Variants in AP5Z1 observed in about 807,000 individuals in gnomAD.
AP5Z1 encodes AP-5 complex subunit zeta-1.
Under a neutral mutation model 83.0 loss-of-function variants are expected in AP5Z1, and 106 were observed. The ratio of observed to expected loss-of-function variants is 1.28; its 90% CI spans 1.09 to 1.50. AP5Z1 has a LOEUF of 1.50. AP5Z1 is among the 40% of genes most tolerant of loss of function. The pLI is 0.00. For synonymous variants in AP5Z1, 751 were observed against 514.1 expected (o/e 1.46, Z -6.23); for missense variants, 1,565 against 1,094.2 (o/e 1.43, Z -6.07).
In AP5Z1 at chr7:4,786,435, T is replaced by G. The variant is rs764497844; in HGVS notation, c.1311+7T>G. ...CTTCCCCAACCTCTTTAAGGTATATTTGGGCATCCCTGGGTGCCAGGGCAG... is the reference window on the plus strand; with the variant it reads ...CTTCCCCAACCTCTTTAAGGTATATGTGGGCATCCCTGGGTGCCAGGGCAG... On this transcript the variant is annotated splice_region_variant and intron_variant, in intron 10 of 16. Coordinates refer to ENST00000649063, the MANE Select transcript of AP5Z1 (RefSeq NM_014855.3). 5.3e-5 allele frequency: 85 copies of G among 1,613,278 alleles called. No homozygotes were observed. Among genetic ancestry groups the G allele is most frequent in the Admixed American group, 1.2e-4 (7 of 60,014 alleles).
intron 13 of AP5Z1, among the ~76,000 whole-genome samples, chr7:4,789,551 C>T (rs914429458): frequency 1.3e-5 from 2 of 152,334 alleles, no homozygotes; most frequent in African/African-American, 4.8e-5. Flanking sequence ...CACCCTTGGC[C>T]AAACAAGACG....
chr7:4,786,196 A>G, intron 9 of AP5Z1, 54 bp from the exon 10 acceptor site: 1 of 1,512,472 alleles, frequency 6.6e-7, no homozygotes, highest in African/African-American at 1.4e-5. Flanking sequence ...CAGTCACAGA[A>G]GCACGGCCAG....
rs888875774 is a variant in AP5Z1, at chr7:4,783,301, C to G, written c.367-15C>G. The G allele has an allele frequency of 2.5e-6, 4 of 1,594,250 alleles. No individual in the cohort carries two copies. Among genetic ancestry groups the G allele is most frequent in the Non-Finnish European group, 3.4e-6 (4 of 1,169,780 alleles). On this transcript the variant is annotated splice_polypyrimidine_tract_variant and intron_variant, in intron 3 of 16. Coordinates refer to ENST00000649063, the MANE Select transcript of AP5Z1 (RefSeq NM_014855.3). Reference sequence around the variant, plus strand: ...ACAGGCCAGTACCCCAGCGTTTGCCCTGTTTGATTTGAAGGGTGACAGAAA... The same window carrying G: ...ACAGGCCAGTACCCCAGCGTTTGCCGTGTTTGATTTGAAGGGTGACAGAAA...
At chr7:4,787,501 G>T in intron 10 of AP5Z1, 133 bp from the exon 11 acceptor site, 4 of 1,304,062 alleles carry the variant, frequency 3.1e-6, no homozygotes, top group South Asian at 3.1e-5. Context: ...AATAAAAAGC[G>T]GGAGGAGGCA....
intron 3 of AP5Z1, among the ~76,000 whole-genome samples, chr7:4,782,306 T>C (rs1781403981): frequency 6.6e-6 from 1 of 152,166 alleles, no homozygotes; most frequent in Admixed American, 6.5e-5. Context: ...TCCACCCTCC[T>C]TGGCCAGGAG....
chr7:4,788,480 C>T (rs1315503804), intron 12 of AP5Z1, 186 bp downstream of exon 12: 2 of 753,790 alleles, frequency 2.7e-6, no homozygotes, highest in Non-Finnish European at 4.0e-6. Context: ...GGGGGCGGGG[C>T]CTGGTCTCAG....
rs115809720 is a variant in AP5Z1, at chr7:4,781,996, C to G, written c.366+242C>G. Reference sequence around the variant, plus strand: ...AGGTGGTGGAGTTTGGTTTCTCAGACAGAGCCTTGAGACAGCGAGTCAGTG... The same window carrying G: ...AGGTGGTGGAGTTTGGTTTCTCAGAGAGAGCCTTGAGACAGCGAGTCAGTG... On this transcript the variant is annotated intron_variant, in intron 3 of 16. Transcript: ENST00000649063. Among the ~76,000 whole-genome samples, 3,506 of 152,278 alleles carry G rather than the reference C, an allele frequency of 0.023. 137 individuals are homozygous for G. The highest frequency in any genetic ancestry group is 0.08 in the African/African-American group (3,311 of 41,526).
chr7:4,787,895 A>G (rs1781605013), intron 11 of AP5Z1, 119 bp downstream of exon 11: 4 of 1,257,444 alleles, frequency 3.2e-6, no homozygotes, highest in African/African-American at 1.5e-5. Flanking sequence ...CCCCCCCAAC[A>G]CCTGACCAGT....
At chr7:4,784,400 C>T (rs766749539) in intron 6 of AP5Z1, 29 bp downstream of exon 6, 20 of 1,547,512 alleles carry the variant, frequency 1.3e-5, no homozygotes, top group Non-Finnish European at 1.5e-5. Context: ...TGACGTCAGA[C>T]AGGGGTGGGA....
chr7:4,782,766 C>G (rs563712775), intron 3 of AP5Z1, among the ~76,000 whole-genome samples: 8 of 151,098 alleles, frequency 5.3e-5, no homozygotes, highest in Non-Finnish European at 1.2e-4. Flanking sequence ...TTTCACCCGC[C>G]CTTCTCCTCA....
chr7:4,788,981 C>T (rs762644171), intron 13 of AP5Z1, 30 bp downstream of exon 13: 18 of 1,588,322 alleles, frequency 1.1e-5, no homozygotes. Context: ...CCCCCCATTC[C>T]CACAGGCCTC....
At position 4,781,771 on chromosome 7, in the gene AP5Z1, C is replaced by T. The variant is rs1265643646; in HGVS notation, c.366+17C>T. The T allele has an allele frequency of 2.0e-6, 3 of 1,536,524 alleles. No homozygotes were observed. The African/African-American group carries it at 4.1e-5, about 21-fold the overall frequency. ...TTGGCCCAGGTAGCGCAGCAGTCAC[C>T]ACCCCAGTTGGCACCGGATGGCTGC... On this transcript the variant is annotated intron_variant, in intron 3 of 16. Coordinates refer to ENST00000649063, the MANE Select transcript of AP5Z1 (RefSeq NM_014855.3).
rs140291875 is a variant in AP5Z1 at position 4,781,284 on chromosome 7, A to G, written c.151A>G (p.Ile51Val). ...CGACTCCCTGCAGAGGCTCTTCCTC[A>G]TCATCTCAGCCACGAAGTACAGCCG... Reference protein sequence around the residue: ...TLDSLQRLFLIISATKYSRRL... With the variant: ...TLDSLQRLFLVISATKYSRRL... Residue 51 changes from isoleucine (I) to valine (V), a missense_variant, in exon 2 of 17, where the codon ATC becomes GTC. Physicochemically the swap from Ile to Val is conservative, Grantham distance 29. Coordinates refer to ENST00000649063, the MANE Select transcript of AP5Z1 (RefSeq NM_014855.3). 3 of 1,613,662 alleles carry G rather than the reference A, an allele frequency of 1.9e-6. No individual in the cohort carries two copies. Among genetic ancestry groups the G allele is most frequent in the Non-Finnish European group, 2.5e-6 (3 of 1,179,786 alleles).
Position 4,786,439 on chromosome 7 carries a change from G to GCA in AP5Z1, c.1311+12_1311+13dup. The GCA allele has an allele frequency of 1.9e-6, 3 of 1,613,056 alleles. No homozygotes were observed. The highest frequency in any genetic ancestry group is 2.5e-6 in the Non-Finnish European group (3 of 1,179,714). On this transcript the variant is annotated intron_variant, in intron 10 of 16. Coordinates refer to ENST00000649063, the MANE Select transcript of AP5Z1 (RefSeq NM_014855.3). ...CCCAACCTCTTTAAGGTATATTTGG[G>GCA]CATCCCTGGGTGCCAGGGCAGGGGC...
rs768671857 is a variant in AP5Z1 at position 4,781,550 on chromosome 7, G to A, written c.180-18G>A. 48 of 1,600,504 alleles carry A rather than the reference G, an allele frequency of 3.0e-5. No individual in the cohort carries two copies. The highest frequency in any genetic ancestry group is 2.0e-4 in the African/African-American group (15 of 74,690). On this transcript the variant is annotated intron_variant, in intron 2 of 16. Transcript: ENST00000649063. ...GTCGTGACGTGTTACCGCCCACCACGGGCATCTCGCCTTCCAGGCTGGAGA... is the reference window on the plus strand; with the variant it reads ...GTCGTGACGTGTTACCGCCCACCACAGGCATCTCGCCTTCCAGGCTGGAGA...
chr7:4,789,919 G>T lies in AP5Z1; in HGVS notation c.1795G>T (p.Gly599Cys), dbSNP rs369917291. The change falls in exon 14 of 17, where the codon GGT becomes TGT. Residue 599 changes from glycine to cysteine, a missense_variant. Transcript: ENST00000649063. ...SLYPAPGYAA[G>C]VHSVLSSQFL... is the part of the protein sequence containing the mutation. ...CTACCCGGCCCCAGGGTACGCTGCCGGTGTGCACAGGTAGGTCCCTCCTGC... is the reference window on the plus strand; with the variant it reads ...CTACCCGGCCCCAGGGTACGCTGCCTGTGTGCACAGGTAGGTCCCTCCTGC... 7.8e-6 allele frequency: 12 copies of T among 1,544,574 alleles called. No individual in the cohort carries two copies. Among genetic ancestry groups the T allele is most frequent in the South Asian group, 1.2e-5 (1 of 83,676 alleles).
chr7:4,781,281 C>T lies in AP5Z1; in HGVS notation c.148C>T (p.Leu50Phe). The T allele has an allele frequency of 5.0e-6, 8 of 1,613,730 alleles. No individual in the cohort carries two copies. The highest frequency in any genetic ancestry group is 6.8e-6 in the Non-Finnish European group (8 of 1,179,800). The change falls in exon 2 of 17, where the codon CTC (leucine) becomes TTC (phenylalanine). Residue 50 changes from leucine (L) to phenylalanine (F), a missense_variant. Leu to Phe is a conservative substitution (Grantham distance 22). Coordinates refer to ENST00000649063, the MANE Select transcript of AP5Z1 (RefSeq NM_014855.3). Reference protein sequence around the residue: ...DTLDSLQRLFLIISATKYSRR... With the variant: ...DTLDSLQRLFFIISATKYSRR... ...CCTCGACTCCCTGCAGAGGCTCTTC[C>T]TCATCATCTCAGCCACGAAGTACAG...
At position 4,787,699 on chromosome 7, in the gene AP5Z1, C is replaced by T. The variant is rs17135128; in HGVS notation, c.1377C>T (p.Asp459=). 112,040 of 1,551,784 alleles carry T rather than the reference C, an allele frequency of 0.072. 4,927 individuals carry two copies. The highest frequency in any genetic ancestry group is 0.18 in the South Asian group (15,276 of 84,200). ...EFVALLPALV[D]AGTALEMLHA... ...TGGCGCTCCTCCCGGCCCTGGTGGA[C>T]GCTGGCACAGCCCTGGAGATGCTGC... Residue 459 remains aspartate (D), a synonymous_variant, in exon 11 of 17, where the codon GAC becomes GAT. Coordinates refer to ENST00000649063, the MANE Select transcript of AP5Z1 (RefSeq NM_014855.3).
chr7:4,790,851 C>T lies in AP5Z1; in HGVS notation c.2117C>T (p.Thr706Met), dbSNP rs752688603. The change falls in exon 16 of 17, where the codon ACG (threonine) becomes ATG (methionine). Residue 706 changes from threonine (T) to methionine (M), a missense_variant. By Grantham distance (81) the Thr-to-Met change is moderately conservative (BLOSUM62 -1). Transcript: ENST00000649063. ...GTCACCGTGCTGATGACCACGCTGA[C>T]GAAGCTGGCCTCCCGGAGCCAAGAT... ...QVVTVLMTTLTKLASRSQDLI... is the reference protein window; with the variant it reads ...QVVTVLMTTLMKLASRSQDLI... 7.5e-6 allele frequency: 12 copies of T among 1,607,902 alleles called. No individual in the cohort carries two copies. The highest frequency in any genetic ancestry group is 3.3e-5 in the South Asian group (3 of 89,796).
Sources: allele counts gnomAD v4.1 joint callset (sites outside exome capture counted in the v4.1 genomes callset), GRCh38; gene constraint gnomAD v4.1.1; transcripts MANE v1.5; gene names NCBI Gene and HGNC (gene_info 2026-07-23, HGNC 2026-07-21).